Variants in SKIC3 observed in about 807,000 individuals in gnomAD.
SKIC3 encodes the protein superkiller complex protein 3.
the SKIC3 span, chr5:95,520,578 A>G: frequency 1.5e-6 from 1 of 670,344 alleles, no homozygotes; most frequent in Non-Finnish European, 2.5e-6. Context: ...ATGTTATAGA[A>G]TTGGCTTGTC....
the SKIC3 span, chr5:95,525,704 A>G: frequency 1.3e-6 from 2 of 1,596,930 alleles, no homozygotes; most frequent in South Asian, 1.1e-5. Context: ...ACTGCTATAA[A>G]TCTCCTTCAA....
At chr5:95,492,630 C>CT in the SKIC3 span, among the ~76,000 whole-genome samples, 641 of 57,464 alleles carry the variant, frequency 0.011, 8 homozygotes, top group African/African-American at 0.034. Flanking sequence ...GAGCGAGACT[C>CT]CGTCTCAAAA....
the SKIC3 span, among the ~76,000 whole-genome samples, chr5:95,539,681 T>C: frequency 2.6e-5 from 4 of 151,940 alleles, no homozygotes; most frequent in Non-Finnish European, 5.9e-5. Context: ...CCATCTATAC[T>C]GAAAATACAA....
the SKIC3 span, among the ~76,000 whole-genome samples, chr5:95,526,505 G>A: frequency 2.7e-5 from 4 of 150,132 alleles, no homozygotes; most frequent in Admixed American, 6.6e-5. Flanking sequence ...CAAGAGTCTC[G>A]CTTCGATGCC....
the SKIC3 span, among the ~76,000 whole-genome samples, chr5:95,499,062 A>G: frequency 6.6e-6 from 1 of 152,246 alleles, no homozygotes; most frequent in Non-Finnish European, 1.5e-5. Context: ...AGAGATAGCA[A>G]TTTCCCTGAC....
At chr5:95,532,770 T>G in the SKIC3 span, among the ~76,000 whole-genome samples, 6 of 152,120 alleles carry the variant, frequency 3.9e-5, no homozygotes, top group Non-Finnish European at 1.5e-5. Context: ...CAAGCCAGAT[T>G]TGGGGCTGAT....
At chr5:95,478,497 G>A in the SKIC3 span, 1 of 1,604,894 alleles carries the variant, frequency 6.2e-7, no homozygotes, top group South Asian at 1.1e-5. Context: ...TATGCAGTCT[G>A]TTACCCCTAC....
At chr5:95,527,789 G>T in the SKIC3 span, among the ~76,000 whole-genome samples, 1 of 152,116 alleles carries the variant, frequency 6.6e-6, no homozygotes, top group Non-Finnish European at 1.5e-5. Context: ...TAGAACTAAC[G>T]AAATAGTCTT....
chr5:95,484,789 A>G, the SKIC3 span: 1 of 1,614,016 alleles, frequency 6.2e-7, no homozygotes, highest in African/African-American at 1.3e-5. Context: ...ACAGCTTGTG[A>G]GAGAGACCAC....
the SKIC3 span, among the ~76,000 whole-genome samples, chr5:95,482,864 G>A: frequency 5.8e-4 from 88 of 152,170 alleles, 4 homozygotes; most frequent in East Asian, 0.012. Context: ...TAGTCTACAT[G>A]TATTTCCCTT....
chr5:95,495,328 A>C, the SKIC3 span: 1 of 287,296 alleles, frequency 3.5e-6, no homozygotes. Flanking sequence ...AGACTGAGAG[A>C]GATCACAAAG....
chr5:95,487,247 A>G, the SKIC3 span, among the ~76,000 whole-genome samples: 3 of 152,104 alleles, frequency 2.0e-5, no homozygotes, highest in African/African-American at 7.2e-5. Context: ...CAGCTTGCAA[A>G]CAGCCTGTTG....
chr5:95,549,842 A>G, the SKIC3 span, among the ~76,000 whole-genome samples: 3 of 151,864 alleles, frequency 2.0e-5, no homozygotes, highest in African/African-American at 7.3e-5. Flanking sequence ...ACTAGGTACC[A>G]CTTAAACCCA....
At chr5:95,545,806 T>C in the SKIC3 span, among the ~76,000 whole-genome samples, 10 of 152,172 alleles carry the variant, frequency 6.6e-5, no homozygotes, top group Admixed American at 6.5e-4. Flanking sequence ...GTGAAAATTC[T>C]GTATCCTTCT....
chr5:95,481,018 G>A, the SKIC3 span, among the ~76,000 whole-genome samples: 47 of 152,184 alleles, frequency 3.1e-4, no homozygotes, highest in Admixed American at 5.2e-4. Context: ...TGCTAGAACT[G>A]TTCTGTATCT....
chr5:95,516,726 C>T, the SKIC3 span: 76 of 1,612,970 alleles, frequency 4.7e-5, no homozygotes, highest in East Asian at 8.9e-4. Context: ...TTATTACTGT[C>T]GAGTCTCACT....
At chr5:95,541,530 T>G in the SKIC3 span, 1 of 757,708 alleles carries the variant, frequency 1.3e-6, no homozygotes. Context: ...CATACTACAG[T>G]AAAATTTTCT....
chr5:95,507,156 G>T, the SKIC3 span: 1 of 730,788 alleles, frequency 1.4e-6, no homozygotes, highest in Non-Finnish European at 2.3e-6. Flanking sequence ...ATTTTATTAA[G>T]TTGGTACCAC....
the SKIC3 span, chr5:95,548,706 A>C: frequency 2.0e-5 from 3 of 152,066 alleles, no homozygotes; most frequent in Non-Finnish European, 2.9e-5. Context: ...GTTAAAAAAA[A>C]CCCTGCAGAC....
Sources: gnomAD v4.1 joint callset for allele counts (sites outside exome capture counted in the v4.1 genomes callset) on GRCh38, gnomAD v4.1.1 for gene constraint, MANE v1.5 for transcripts, NCBI Gene and HGNC (gene_info 2026-07-23, HGNC 2026-07-21) for gene names.